RASSF3: variants seen among roughly 807,000 people sequenced by gnomAD.
RASSF3 encodes ras association domain-containing protein 3.
A neutral mutation model predicts 19.9 loss-of-function variants in RASSF3; 19 were observed. The ratio of observed to expected loss-of-function variants is 0.96; its 90% CI spans 0.67 to 1.40. The LOEUF is 1.40. Among genes scored for constraint, RASSF3 ranks in the 40% most tolerant of loss-of-function variants. RASSF3 has a pLI of 0.00. For synonymous variants in RASSF3, 110 were observed against 104.2 expected (o/e 1.06, Z -0.34); for missense variants, 306 against 289.8 (o/e 1.06, Z -0.41).
intron 1 of RASSF3, among the ~76,000 whole-genome samples, chr12:64,661,333 A>C (rs1872350148): frequency 6.6e-6 from 1 of 152,078 alleles, no homozygotes. Flanking sequence ...CAAAAAATTA[A>C]AAAACTAGCT....
At chr12:64,520,555 C>CACATATATATATATATAT (rs1435123674) in intron 1 of RASSF3, among the ~76,000 whole-genome samples, 14 of 86,320 alleles carry the variant, frequency 1.6e-4, no homozygotes, top group South Asian at 4.1e-4. Flanking sequence ...CACATACACA[C>CACATATATATATATATAT]ATATATATAT....
At chr12:64,621,311 A>T (rs573825269) in intron 1 of RASSF3, among the ~76,000 whole-genome samples, 1 of 152,324 alleles carries the variant, frequency 6.6e-6, no homozygotes, top group African/African-American at 2.4e-5. Context: ...AGAATTGTCC[A>T]TGCATGACCT....
At chr12:64,533,837 A>C (rs2136111034) in intron 1 of RASSF3, among the ~76,000 whole-genome samples, 1 of 152,370 alleles carries the variant, frequency 6.6e-6, no homozygotes, top group Non-Finnish European at 1.5e-5. Context: ...TGGAAGGAGA[A>C]TTGTGGGAGG....
At chr12:64,615,253 C>G (rs1168520620) in intron 1 of RASSF3, among the ~76,000 whole-genome samples, 1 of 152,208 alleles carries the variant, frequency 6.6e-6, no homozygotes. Context: ...AAGTTATAAT[C>G]TGTCAGAGTG....
chr12:64,654,001 A>C (rs1872058468), intron 1 of RASSF3: 2 of 152,202 alleles, frequency 1.3e-5, no homozygotes, highest in Admixed American at 1.3e-4. Flanking sequence ...GGCACAGGCA[A>C]GTCTGGTTTG....
intron 3 of RASSF3, among the ~76,000 whole-genome samples, chr12:64,689,794 T>TTTTTTTTTTTTC (rs1287723611): frequency 1.6e-5 from 2 of 126,346 alleles, no homozygotes; most frequent in Non-Finnish European, 3.4e-5. Context: ...GCTAATTCTT[T>TTTTTTTTTTTTC]TTTTTTTTTT....
chr12:64,562,555 C>T (rs1039066979), intron 2 of RASSF3, among the ~76,000 whole-genome samples: 1 of 152,102 alleles, frequency 6.6e-6, no homozygotes, highest in Non-Finnish European at 1.5e-5. Flanking sequence ...AAATGATGCT[C>T]CTCTGCAGCT....
intron 1 of RASSF3, chr12:64,533,660 C>A (rs1345475832): frequency 6.6e-6 from 1 of 152,184 alleles, no homozygotes; most frequent in Non-Finnish European, 1.5e-5. Flanking sequence ...TTTTCTGTAA[C>A]AGATGTAACA....
intron 2 of RASSF3, among the ~76,000 whole-genome samples, chr12:64,551,239 T>C (rs1869154838): frequency 6.6e-6 from 1 of 152,144 alleles, no homozygotes; most frequent in South Asian, 2.1e-4. Context: ...CTTAGTTAAG[T>C]CACTTAATCT....
downstream of RASSF3, among the ~76,000 whole-genome samples, chr12:64,543,421 G>GCCCCCCCGCCCCCCC (rs1565836074): frequency 1.8e-5 from 1 of 55,880 alleles, no homozygotes; most frequent in Non-Finnish European, 3.6e-5. Flanking sequence ...CCCGCCCCCC[G>GCCCCCCCGCCCCCCC]GCTCCCCGCC....
In RASSF3 at chr12:64,691,508, T is replaced by C; in HGVS notation, c.496T>C (p.Tyr166His). The change falls in exon 4 of 5, where the codon TAC becomes CAC. Residue 166 changes from tyrosine to histidine, a missense_variant. Tyr to His is a moderately conservative substitution (Grantham distance 83). Transcript: ENST00000542104. ...GCTCTCAGACCGGGAACATCCACTC[T>C]ACCTGCGTTTGGTAGCAGGGCCCAG... is the stretch of plus-strand genomic sequence containing the variant. ...CKLSDREHPLYLRLVAGPRTD... is the reference protein window; with the variant it reads ...CKLSDREHPLHLRLVAGPRTD... 1 of 1,614,114 alleles carries C rather than the reference T, an allele frequency of 6.2e-7. No individual in the cohort carries two copies. The highest frequency in any genetic ancestry group is 8.5e-7 in the Non-Finnish European group (1 of 1,179,924).
chr12:64,615,513 A>G (rs973508795), intron 1 of RASSF3, among the ~76,000 whole-genome samples: 2 of 152,160 alleles, frequency 1.3e-5, no homozygotes, highest in Non-Finnish European at 1.5e-5. Flanking sequence ...TTCTTATTCA[A>G]ATATTTTTGT....
chr12:64,532,195 C>A (rs533702276), upstream of RASSF3, among the ~76,000 whole-genome samples: 1 of 152,244 alleles, frequency 6.6e-6, no homozygotes, highest in East Asian at 1.9e-4. Flanking sequence ...GGATGGATTG[C>A]CGACTGCGAG....
chr12:64,538,024 C>T (rs556765870), intron 1 of RASSF3, among the ~76,000 whole-genome samples: 12 of 151,696 alleles, frequency 7.9e-5, no homozygotes, highest in Non-Finnish European at 1.2e-4. Flanking sequence ...AAGATCACTC[C>T]GTCACCCAGG....
At chr12:64,564,053 A>G (rs533304611) in intron 2 of RASSF3, among the ~76,000 whole-genome samples, 1 of 152,246 alleles carries the variant, frequency 6.6e-6, no homozygotes, top group Admixed American at 6.5e-5. Flanking sequence ...AGTACCTTTG[A>G]TGTACATGGT....
intron 1 of RASSF3, among the ~76,000 whole-genome samples, chr12:64,635,049 T>C (rs1300158905): frequency 6.7e-6 from 1 of 150,238 alleles, no homozygotes; most frequent in Admixed American, 6.7e-5. Flanking sequence ...CACTGCAACC[T>C]CTGTCACCCT....
chr12:64,564,187 C>T (rs971504362), intron 2 of RASSF3, among the ~76,000 whole-genome samples: 5 of 152,292 alleles, frequency 3.3e-5, no homozygotes, highest in Middle Eastern at 3.4e-3. Flanking sequence ...GTATTGACTT[C>T]AACTGTCAAC....
Position 64,569,714 on chromosome 12 carries a change from C to T in RASSF3, c.294+28009C>T, listed in dbSNP as rs577680268. ...GGCGCAGTGGCTCACGCCTGTAATC[C>T]CAGCACTTTGGGAGGCCGGGGCGGG... On this transcript the variant is annotated intron_variant, in intron 2 of 5. Transcript: ENST00000637125. 3.9e-4 allele frequency among the ~76,000 whole-genome samples: 59 copies of T among 152,298 alleles called. 1 individual carries two copies. Among genetic ancestry groups the T allele is most frequent in the African/African-American group, 1.2e-3 (49 of 41,554 alleles).
At chr12:64,561,436 C>T (rs538710691) in intron 2 of RASSF3, among the ~76,000 whole-genome samples, 1 of 152,158 alleles carries the variant, frequency 6.6e-6, no homozygotes, top group Non-Finnish European at 1.5e-5. Context: ...GCATTTCTGG[C>T]CCCAGGGACT....
Sources: gnomAD v4.1 joint callset for allele counts (sites outside exome capture counted in the v4.1 genomes callset) on GRCh38, gnomAD v4.1.1 for gene constraint, MANE v1.5 for transcripts, NCBI Gene and HGNC (gene_info 2026-07-23, HGNC 2026-07-21) for gene names.